The following RIMS2 variants were observed in gnomAD, a reference collection of about 807,000 sequenced individuals.
RIMS2 encodes regulating synaptic membrane exocytosis protein 2.
A neutral mutation model predicts 174.4 loss-of-function variants in RIMS2; 59 were observed. That is an observed-to-expected ratio of 0.34 (90% CI 0.27 to 0.42). RIMS2 has a LOEUF of 0.42. Among genes scored for constraint, RIMS2 ranks in the 10% least tolerant of loss-of-function variants. The pLI, the probability that RIMS2 is intolerant of heterozygous loss-of-function variation, is 1.00. For missense variants in RIMS2, 1,620 were observed against 1,666.3 expected, an observed-to-expected ratio of 0.97 and a Z score of 0.48; for synonymous variants, 606 against 572.5, an observed-to-expected ratio of 1.06 and a Z score of -0.84.
intron 1 of RIMS2, among the ~76,000 whole-genome samples, chr8:103,585,926 A>T (rs1178536057): frequency 1.3e-5 from 2 of 152,024 alleles, no homozygotes; most frequent in Non-Finnish European, 2.9e-5. Context: ...ATTAAAAAAA[A>T]AAAAGAGCAG....
intron 19 of RIMS2, among the ~76,000 whole-genome samples, chr8:104,242,754 G>A (rs753033250): frequency 6.6e-6 from 1 of 152,136 alleles, no homozygotes; most frequent in Non-Finnish European, 1.5e-5. Flanking sequence ...GCATGTTTTT[G>A]TCTAGAACAA....
intron 1 of RIMS2, among the ~76,000 whole-genome samples, chr8:103,528,051 T>C (rs1834984932): frequency 6.6e-6 from 1 of 152,190 alleles, no homozygotes; most frequent in South Asian, 2.1e-4. Flanking sequence ...CTCCAGCACC[T>C]GTTGTTTCCT....
In RIMS2 at chr8:103,944,753, T is replaced by C. The variant is rs1595598786; in HGVS notation, c.2701+1827T>C. On this transcript the variant is annotated intron_variant, in intron 14 of 23. Coordinates refer to ENST00000504942, the Ensembl canonical transcript of RIMS2. ...ACTTACCCATGGGTAATATAATGGC[T>C]GCATGTAGTACCATGTCAGTCTTGT... Among the ~76,000 whole-genome samples the C allele has an allele frequency of 2.0e-5, 3 of 152,222 alleles. No individual in the cohort carries two copies. The East Asian group carries it at 5.8e-4, about 29-fold the overall frequency.
intron 15 of RIMS2, among the ~76,000 whole-genome samples, chr8:103,971,894 T>C (rs572814780): frequency 5.9e-5 from 9 of 152,306 alleles, no homozygotes; most frequent in African/African-American, 1.9e-4. Flanking sequence ...GACTTCCTAA[T>C]AGGCTAACTT....
At chr8:104,070,438 G>A (rs916388716) in intron 19 of RIMS2, among the ~76,000 whole-genome samples, 1 of 152,084 alleles carries the variant, frequency 6.6e-6, no homozygotes, top group African/African-American at 2.4e-5. Context: ...ACTTCAAACA[G>A]GTATAGTAAA....
chr8:103,670,236 G>A (rs868410116), intron 1 of RIMS2, among the ~76,000 whole-genome samples: 3 of 152,326 alleles, frequency 2.0e-5, no homozygotes, highest in South Asian at 4.1e-4. Context: ...TGCAGGGCAC[G>A]AAGACCCTAG....
intron 3 of RIMS2, among the ~76,000 whole-genome samples, chr8:103,782,433 C>T (rs1181125914): frequency 2.7e-5 from 4 of 145,830 alleles, no homozygotes; most frequent in Admixed American, 1.4e-4. Context: ...ACATAAATCC[C>T]GTGTGTGTGT....
At chr8:103,832,449 G>A (rs111820948) in intron 3 of RIMS2, among the ~76,000 whole-genome samples, 1 of 152,182 alleles carries the variant, frequency 6.6e-6, no homozygotes, top group African/African-American at 2.4e-5. Flanking sequence ...CTTATGTCAT[G>A]GGGGTTTGTT....
chr8:103,802,491 G>A (rs1000685116), intron 3 of RIMS2, among the ~76,000 whole-genome samples: 1 of 152,094 alleles, frequency 6.6e-6, no homozygotes, highest in Admixed American at 6.6e-5. Context: ...TTCCGGTATT[G>A]GTCAAGGATA....
intron 19 of RIMS2, among the ~76,000 whole-genome samples, chr8:104,148,041 AAAGTT>A (rs1566687157): frequency 6.6e-6 from 1 of 152,188 alleles, no homozygotes; most frequent in East Asian, 1.9e-4. Flanking sequence ...AAAGTGAAAT[AAAGTT>A]ATTTTTTAAT....
chr8:103,610,133 G>T (rs1303780969), intron 1 of RIMS2, among the ~76,000 whole-genome samples: 2 of 151,940 alleles, frequency 1.3e-5, no homozygotes, highest in African/African-American at 4.8e-5. Context: ...CTCTCTGCTT[G>T]GACATTGTTG....
intron 19 of RIMS2, among the ~76,000 whole-genome samples, chr8:104,125,515 AAG>A (rs1566559857): frequency 6.6e-6 from 1 of 152,230 alleles, no homozygotes; most frequent in East Asian, 1.9e-4. Context: ...TATTCAAACT[AAG>A]AGACAAAATT....
At chr8:103,539,319 AC>A (rs1164695788) in intron 1 of RIMS2, among the ~76,000 whole-genome samples, 3 of 152,222 alleles carry the variant, frequency 2.0e-5, no homozygotes, top group African/African-American at 7.2e-5. Flanking sequence ...CCTCAAATAC[AC>A]CACCAAGATG....
intron 1 of RIMS2, among the ~76,000 whole-genome samples, chr8:103,636,804 A>AC (rs1462513996): frequency 5.8e-3 from 65 of 11,140 alleles, no homozygotes; most frequent in Non-Finnish European, 0.011. Context: ...CCCCCCCCAC[A>AC]CACACACACA....
chr8:103,827,202 C>T (rs768503088), intron 3 of RIMS2, among the ~76,000 whole-genome samples: 15 of 151,946 alleles, frequency 9.9e-5, no homozygotes, highest in East Asian at 3.9e-4. Flanking sequence ...TGAAAATTTC[C>T]GTAAGTATTT....
At chr8:103,770,726 A>AT (rs11368780) in intron 3 of RIMS2, among the ~76,000 whole-genome samples, 34,532 of 147,764 alleles carry the variant, frequency 0.23, 4,160 homozygotes, top group Non-Finnish European at 0.25. Flanking sequence ...AATTAAACCT[A>AT]TTTTTTTTTT....
intron 19 of RIMS2, among the ~76,000 whole-genome samples, chr8:104,156,828 T>C (rs2098727187): frequency 6.6e-6 from 1 of 152,212 alleles, no homozygotes; most frequent in Non-Finnish European, 1.5e-5. Context: ...GCTTATTTTT[T>C]TGAACAGCAT....
At chr8:103,834,811 A>G (rs1166519781) in intron 3 of RIMS2, among the ~76,000 whole-genome samples, 1 of 148,138 alleles carries the variant, frequency 6.8e-6, no homozygotes, top group Non-Finnish European at 1.5e-5. Context: ...GTCTCACTGT[A>G]TCACTCAGAC....
At chr8:103,679,130 T>C (rs2096849293) in intron 1 of RIMS2, among the ~76,000 whole-genome samples, 1 of 152,056 alleles carries the variant, frequency 6.6e-6, no homozygotes. Flanking sequence ...TTTTACCAGA[T>C]AGCAAAGCAA....
Sources: allele counts gnomAD v4.1 joint callset (sites outside exome capture counted in the v4.1 genomes callset), GRCh38; gene constraint gnomAD v4.1.1; transcripts MANE v1.5; gene names NCBI Gene and HGNC (gene_info 2026-07-23, HGNC 2026-07-21).